PRDM16: variants seen among roughly 807,000 people sequenced by gnomAD.
PRDM16 encodes histone-lysine N-methyltransferase PRDM16.
A neutral mutation model predicts 110.6 loss-of-function variants in PRDM16; 23 were observed. That is an observed-to-expected ratio of 0.21 (90% CI 0.15 to 0.29). The LOEUF (loss-of-function observed/expected upper bound fraction) is 0.29, where lower values mean the gene tolerates loss of function less well. Ranked by LOEUF, PRDM16 falls within the 10% of genes least tolerant of loss-of-function variation. PRDM16 has a pLI of 1.00. For missense variants in PRDM16, 1,615 were observed against 1,794.3 expected, an observed-to-expected ratio of 0.90 and a Z score of 1.81; for synonymous variants, 799 against 781.8, an observed-to-expected ratio of 1.02 and a Z score of -0.37.
intron 1 of PRDM16, among the ~76,000 whole-genome samples, chr1:3,097,269 G>A (rs572780703): frequency 1.3e-4 from 20 of 152,282 alleles, no homozygotes; most frequent in Admixed American, 1.0e-3. Context: ...GACCTGCCTC[G>A]GACAAATTTC....
At chr1:3,328,391 A>G (rs1641968236) in intron 3 of PRDM16, among the ~76,000 whole-genome samples, 1 of 152,222 alleles carries the variant, frequency 6.6e-6, no homozygotes, top group Non-Finnish European at 1.5e-5. Flanking sequence ...GTCGTGGGCC[A>G]GGGGCTTTGA....
chr1:3,100,010 G>A (rs1642495232), intron 1 of PRDM16, among the ~76,000 whole-genome samples: 1 of 152,204 alleles, frequency 6.6e-6, no homozygotes, highest in Non-Finnish European at 1.5e-5. Context: ...GCACCCCTGG[G>A]TGAGGGAGCC....
At chr1:3,404,637 G>A (rs1388222141) in intron 6 of PRDM16, 102 bp from the exon 7 acceptor site, 12 of 1,400,186 alleles carry the variant, frequency 8.6e-6, no homozygotes, top group South Asian at 2.5e-5. Flanking sequence ...CAGCGTGGTG[G>A]GGGCTCCGAA....
intron 1 of PRDM16, among the ~76,000 whole-genome samples, chr1:3,168,297 CA>C (rs1332396644): frequency 2.3e-5 from 1 of 44,182 alleles, no homozygotes; most frequent in Admixed American, 2.8e-4. Context: ...CCTCCCGCCC[CA>C]CCCCTGCCTC....
chr1:3,431,839 T>G (rs1230967397), intron 15 of PRDM16, 127 bp from the exon 16 acceptor site: 1 of 882,906 alleles, frequency 1.1e-6, no homozygotes, highest in South Asian at 1.6e-5. Context: ...TCTGTCTCCC[T>G]GTGCATGTGG....
In PRDM16 at chr1:3,320,054, C is replaced by G. The variant is rs189440248; in HGVS notation, c.439-65098C>G. On this transcript the variant is annotated intron_variant, in intron 3 of 16. Transcript: ENST00000270722. ...TGCCTGGGCCTGGTGGCCACACCTACCAGGTGTGGCCTCTTGAAGAGACTT... is the reference window on the plus strand; with the variant it reads ...TGCCTGGGCCTGGTGGCCACACCTAGCAGGTGTGGCCTCTTGAAGAGACTT... Among the ~76,000 whole-genome samples, 714 of 152,254 alleles carry G rather than the reference C, an allele frequency of 4.7e-3. 6 individuals are homozygous for G. Among genetic ancestry groups the G allele is most frequent in the African/African-American group, 0.016 (672 of 41,540 alleles).
intron 3 of PRDM16, among the ~76,000 whole-genome samples, chr1:3,376,818 C>T (rs558246035): frequency 1.3e-4 from 20 of 151,838 alleles, no homozygotes; most frequent in Non-Finnish European, 2.2e-4. Flanking sequence ...GCTTGCTGAC[C>T]GCCGACCAGG....
At chr1:3,078,956 G>A (rs1196472386) in intron 1 of PRDM16, among the ~76,000 whole-genome samples, 2 of 152,212 alleles carry the variant, frequency 1.3e-5, no homozygotes, top group African/African-American at 2.4e-5. Context: ...AGAGAGGCTG[G>A]TCATATCAGT....
chr1:3,096,833 G>A (rs1046256357), intron 1 of PRDM16, among the ~76,000 whole-genome samples: 4 of 152,192 alleles, frequency 2.6e-5, no homozygotes, highest in South Asian at 2.1e-4. Context: ...TGCCAAGGAC[G>A]GGAGTCTGGG....
intron 3 of PRDM16, among the ~76,000 whole-genome samples, chr1:3,289,498 C>T (rs1335884223): frequency 1.3e-5 from 2 of 152,254 alleles, no homozygotes; most frequent in Non-Finnish European, 2.9e-5. Context: ...TCATCCTCCT[C>T]ACCCACACTG....
Position 3,414,567 on chromosome 1 carries a change from G to A in PRDM16, c.2611G>A (p.Glu871Lys), listed in dbSNP as rs749811828. The A allele has an allele frequency of 2.5e-6, 4 of 1,613,244 alleles. No homozygotes were observed. Among genetic ancestry groups the A allele is most frequent in the Non-Finnish European group, 3.4e-6 (4 of 1,179,648 alleles). ...FFMDPIYSRV[E>K]KRKVTDPVGA... The stretch of plus-strand genomic sequence containing the variant: ...CTCTGTGCTGTTGTCCAGCAGGGTA[G>A]AAAAGCGGAAGGTCACAGACCCCGT... Residue 871 changes from glutamate to lysine, a missense_variant, in exon 10 of 17, where the codon GAA becomes AAA. By Grantham distance (56) the Glu-to-Lys change is moderately conservative. This residue lies in a region of PRDM16 where 772 missense variants were observed against 748.3 expected (regional missense o/e 1.03). Coordinates refer to ENST00000270722, the MANE Select transcript of PRDM16 (RefSeq NM_022114.4).
intron 3 of PRDM16, among the ~76,000 whole-genome samples, chr1:3,322,753 C>T (rs185593519): frequency 1.4e-4 from 22 of 152,360 alleles, no homozygotes; most frequent in Admixed American, 1.3e-3. Flanking sequence ...CCTTTGCTCC[C>T]TGCCCATCAC....
chr1:3,070,073 G>C (rs1167488317), intron 1 of PRDM16, among the ~76,000 whole-genome samples: 1 of 152,018 alleles, frequency 6.6e-6, no homozygotes, highest in Non-Finnish European at 1.5e-5. Flanking sequence ...CCTCCGACAG[G>C]AGGGACCCAC....
chr1:3,381,699 C>A (rs1241446943), intron 3 of PRDM16, among the ~76,000 whole-genome samples: 2 of 152,192 alleles, frequency 1.3e-5, no homozygotes, highest in Admixed American at 1.3e-4. Context: ...GAGGCCAACA[C>A]TCTTGAGTCA....
chr1:3,425,426 C>A lies in PRDM16; in HGVS notation c.2940-155C>A. 1.4e-6 allele frequency: 1 copy of A among 738,412 alleles called. No homozygotes were observed. Among genetic ancestry groups the A allele is most frequent in the Non-Finnish European group, 2.1e-6 (1 of 465,260 alleles). 45.7% of individuals were successfully genotyped at this position (738,412 alleles called of 1,614,324 possible). On this transcript the variant is annotated intron_variant, in intron 12 of 16. Coordinates refer to ENST00000270722, the MANE Select transcript of PRDM16 (RefSeq NM_022114.4). The surrounding 1 kb of genome is among the most constrained non-coding windows in gnomAD (Gnocchi z 6.9). ...CTTCCCCAGGATGCCTTTGGCTCTG[C>A]AGCTGGGAGATCCAGCAACCTCCGG...
chr1:3,338,051 A>G (rs1642197835), intron 3 of PRDM16, among the ~76,000 whole-genome samples: 1 of 152,210 alleles, frequency 6.6e-6, no homozygotes, highest in Admixed American at 6.5e-5. Flanking sequence ...ACATGCACAC[A>G]CATTCACACA....
Position 3,094,844 on chromosome 1 carries a change from T to G in PRDM16, c.37+25548T>G, listed in dbSNP as rs542900840. Among the ~76,000 whole-genome samples the G allele has an allele frequency of 3.6e-4, 55 of 152,172 alleles. 1 individual carries two copies. Among genetic ancestry groups the G allele is most frequent in the Middle Eastern group, 3.4e-3 (1 of 294 alleles). On this transcript the variant is annotated intron_variant, in intron 1 of 16. Coordinates refer to ENST00000270722, the MANE Select transcript of PRDM16 (RefSeq NM_022114.4). ...GTCCCTGCTGCGGTTGCCGAGGGAC[T>G]CTGGGTGGGAAGGAGGGGGTCTGCA...
rs899353469 is a variant in PRDM16 at position 3,436,135 on chromosome 1, A to G, written c.*2324A>G. The stretch of plus-strand genomic sequence containing the variant: ...TTCTTATAAAAATTCAACCTCAGAC[A>G]TAAACACCCCATTTCTGTAAACCCA... On this transcript the variant is annotated 3_prime_UTR_variant, in exon 17 of 17. Coordinates refer to ENST00000270722, the MANE Select transcript of PRDM16 (RefSeq NM_022114.4). 5.6e-5 allele frequency: 13 copies of G among 230,276 alleles called. No individual in the cohort carries two copies. Among genetic ancestry groups the G allele is most frequent in the Non-Finnish European group, 9.5e-5 (11 of 116,368 alleles). The allele number at this position is 230,276 out of a possible 1,614,324, so 14.3% of individuals were successfully genotyped here. A position where few individuals can be genotyped will look rare whatever the true frequency, so the allele number is the denominator to read the frequency against.
intron 10 of PRDM16, 82 bp from the exon 11 acceptor site, chr1:3,417,746 G>C: frequency 8.3e-7 from 1 of 1,211,594 alleles, no homozygotes; most frequent in East Asian, 2.3e-5. Flanking sequence ...ATATGCTGTT[G>C]TACAGAACCC....
Sources: gnomAD v4.1 joint callset for allele counts (sites outside exome capture counted in the v4.1 genomes callset) on GRCh38, gnomAD v4.1.1 for gene constraint, gnomAD v4.1.1 regional missense constraint, Gnocchi (gnomAD v3.1) non-coding constraint, MANE v1.5 for transcripts, NCBI Gene and HGNC (gene_info 2026-07-23, HGNC 2026-07-21) for gene names.